Variants in NHSL1 observed in about 807,000 individuals in gnomAD.
NHSL1 encodes NHS-like protein 1.
NHSL1 carries 48 observed loss-of-function variants against 95.0 expected under a neutral mutation model. The observed-to-expected ratio is 0.51, with a 90% confidence interval of 0.40 to 0.64. NHSL1 has a LOEUF of 0.64. Among genes scored for constraint, NHSL1 ranks in the 30% least tolerant of loss-of-function variants. The pLI, the probability that NHSL1 is intolerant of heterozygous loss-of-function variation, is 0.00. For missense variants in NHSL1, 1,971 were observed against 2,077.7 expected, an observed-to-expected ratio of 0.95 and a Z score of 1.00; for synonymous variants, 783 against 833.9, an observed-to-expected ratio of 0.94 and a Z score of 1.05.
chr6:138,678,248 A>G (rs1339730450), intron 1 of NHSL1, among the ~76,000 whole-genome samples: 4 of 152,210 alleles, frequency 2.6e-5, no homozygotes, highest in South Asian at 2.1e-4. Context: ...ATTTGTTCCT[A>G]TATCACTTAT....
In NHSL1 at chr6:138,430,828, C is replaced by T. The variant is rs1048362675; in HGVS notation, c.3517G>A (p.Glu1173Lys). The change falls in exon 6 of 8, where the codon GAG becomes AAG. Residue 1173 changes from glutamate to lysine, a missense_variant. Physicochemically the swap from Glu to Lys is moderately conservative, Grantham distance 56. Transcript: ENST00000343505. The surrounding 1 kb of genome is among the most constrained non-coding windows in gnomAD (Gnocchi z 4.7). ...GTGGTGCTGGGGCTGGGCCGAGCCTCTGCCTCCCCAGCGCTTGGAGCTCCA... is the reference window on the plus strand; with the variant it reads ...GTGGTGCTGGGGCTGGGCCGAGCCTTTGCCTCCCCAGCGCTTGGAGCTCCA... ...SPGAPSAGEA[E>K]ARPSPSTTPL... 23 of 1,550,850 alleles carry T rather than the reference C, an allele frequency of 1.5e-5. No individual in the cohort carries two copies. The African/African-American group carries it at 1.6e-4, about 11-fold the overall frequency.
At chr6:138,582,384 G>A (rs1280124505) in intron 1 of NHSL1, among the ~76,000 whole-genome samples, 1 of 148,294 alleles carries the variant, frequency 6.7e-6, no homozygotes, top group African/African-American at 2.6e-5. Flanking sequence ...AAAAAAAAGA[G>A]ATGGGACCAA....
intron 1 of NHSL1, among the ~76,000 whole-genome samples, chr6:138,608,246 A>G (rs1166537770): frequency 6.6e-6 from 1 of 152,242 alleles, no homozygotes; most frequent in Non-Finnish European, 1.5e-5. Context: ...ACTTTGAATG[A>G]CATGTTTCTC....
chr6:138,459,354 T>G (rs907372401), intron 3 of NHSL1, among the ~76,000 whole-genome samples: 2 of 152,230 alleles, frequency 1.3e-5, no homozygotes, highest in Non-Finnish European at 2.9e-5. Context: ...ATCTGTACTT[T>G]GCAATAGCTA....
chr6:138,615,609 T>C (rs1263258951), intron 1 of NHSL1, among the ~76,000 whole-genome samples: 1 of 152,262 alleles, frequency 6.6e-6, no homozygotes, highest in Non-Finnish European at 1.5e-5. Flanking sequence ...TAGCTAGGAC[T>C]ACAGGCGCAT....
rs932096305 is a variant in NHSL1, at chr6:138,692,128, T to C, written c.96+348A>G. ...CCAACAGGCTACCTGCCTGTGACAG[T>C]TTTCCCACGAACTTGGCTCTCCTCT... On this transcript the variant is annotated intron_variant, in intron 1 of 3. Transcript: ENST00000491526. The surrounding 1 kb of genome is among the most constrained non-coding windows in gnomAD (Gnocchi z 4.0). The C allele has an allele frequency of 1.1e-5, 5 of 446,864 alleles. No homozygotes were observed. Among genetic ancestry groups the C allele is most frequent in the Admixed American group, 7.1e-5 (3 of 42,216 alleles). The allele number at this position is 446,864 out of a possible 1,614,324, so 27.7% of individuals were successfully genotyped here. A position where few individuals can be genotyped will look rare whatever the true frequency, so the allele number is the denominator to read the frequency against.
At chr6:138,562,912 C>G (rs1223243044) in intron 1 of NHSL1, among the ~76,000 whole-genome samples, 1 of 152,150 alleles carries the variant, frequency 6.6e-6, no homozygotes, top group East Asian at 1.9e-4. Context: ...GTGCAAAGCA[C>G]TTGAAAAAGG....
In NHSL1 at chr6:138,499,326, T is replaced by C; in HGVS notation, c.-36A>G. ...CCTACATAGAGCTTAGAAATGTAAA[T>C]CACATTAAAAGCTCAGCCCAGTAGG... On this transcript the variant is annotated 5_prime_UTR_variant, in exon 1 of 8. The change abolishes the stop of an existing upstream ORF in the 5' untranslated region. Coordinates refer to ENST00000343505, the MANE Select transcript of NHSL1 (RefSeq NM_001144060.2). 6.5e-7 allele frequency: 1 copy of C among 1,548,866 alleles called. No individual in the cohort carries two copies. The highest frequency in any genetic ancestry group is 8.7e-7 in the Non-Finnish European group (1 of 1,145,408).
intron 4 of NHSL1, among the ~76,000 whole-genome samples, chr6:138,446,149 T>TG (rs1583184700): frequency 6.6e-6 from 1 of 152,002 alleles, no homozygotes; most frequent in East Asian, 1.9e-4. Context: ...GCAATTCTCC[T>TG]GCCTCAGACT....
chr6:138,440,514 T>C (rs549132146), intron 5 of NHSL1, among the ~76,000 whole-genome samples: 1 of 152,052 alleles, frequency 6.6e-6, no homozygotes, highest in South Asian at 2.1e-4. Context: ...CAATCCATGA[T>C]AGAACAGGGC....
chr6:138,476,584 T>C (rs772643707), intron 2 of NHSL1, among the ~76,000 whole-genome samples: 2 of 151,992 alleles, frequency 1.3e-5, no homozygotes, highest in African/African-American at 2.4e-5. Context: ...CCAAGCACTA[T>C]GGGAGGCCGA....
At chr6:138,683,981 C>T (rs1235775461) in intron 1 of NHSL1, among the ~76,000 whole-genome samples, 2 of 152,118 alleles carry the variant, frequency 1.3e-5, no homozygotes, top group African/African-American at 2.4e-5. Flanking sequence ...GAGGCCAAGG[C>T]GAGCAGATCA....
chr6:138,661,495 CAAA>C (rs111293449), intron 1 of NHSL1, among the ~76,000 whole-genome samples: 5 of 118,076 alleles, frequency 4.2e-5, no homozygotes, highest in African/African-American at 1.2e-4. Context: ...CCCCCCGTCT[CAAA>C]AAAAAAAAAA....
At chr6:138,473,278 G>T in intron 3 of NHSL1, 28 bp downstream of exon 3, 1 of 1,509,164 alleles carries the variant, frequency 6.6e-7, no homozygotes, top group Admixed American at 2.3e-5. Context: ...ACCCAACCCA[G>T]GACCCCGTGT....
chr6:138,506,036 C>T (rs892880988), intron 1 of NHSL1, among the ~76,000 whole-genome samples: 1 of 152,162 alleles, frequency 6.6e-6, no homozygotes, highest in African/African-American at 2.4e-5. Context: ...TTATGCTTTT[C>T]AGACTCATTG....
upstream of NHSL1, among the ~76,000 whole-genome samples, chr6:138,573,477 T>A (rs1012015778): frequency 1.3e-5 from 2 of 152,204 alleles, no homozygotes; most frequent in African/African-American, 4.8e-5. Flanking sequence ...TGATTAAAAA[T>A]TTTAAAACCA....
At chr6:138,691,189 CA>C (rs1785662422) in intron 1 of NHSL1, among the ~76,000 whole-genome samples, 1 of 152,290 alleles carries the variant, frequency 6.6e-6, no homozygotes, top group African/African-American at 2.4e-5. Context: ...CTGATTATGT[CA>C]ACAACCTTAT....
intron 3 of NHSL1, among the ~76,000 whole-genome samples, chr6:138,455,494 G>GAGCCCCACCTTCACATGCTCCCTGCAAGA (rs1777533952): frequency 1.3e-4 from 10 of 78,842 alleles, no homozygotes; most frequent in African/African-American, 5.7e-4. Flanking sequence ...TCCCTGCAAG[G>GAGCCCCACCTTCACATGCTCCCTGCAAGA]AGCCCCGCCT....
chr6:138,424,236 C>A lies in NHSL1; in HGVS notation c.4666G>T (p.Ala1556Ser), dbSNP rs1187463045. Residue 1556 changes from alanine (A) to serine (S), a missense_variant, in exon 8 of 8, where the codon GCG (alanine) becomes TCG (serine). Transcript: ENST00000343505. This position sits in a 1 kb window ranked among gnomAD's most constrained non-coding sequence, Gnocchi z 5.9. ...CCGCCCTCGTCCATCTCCTCCCTCG[C>A]CAGTCCGTCCAGGGAACATCCCTCC... ...AAEGCSLDGL[A>S]REEMDEGGLL... 6.6e-6 allele frequency: 10 copies of A among 1,506,208 alleles called. No homozygotes were observed. The East Asian group carries it at 2.0e-4, about 30-fold the overall frequency. 93.3% of individuals were successfully genotyped at this position (1,506,208 alleles called of 1,614,324 possible).
Sources: gnomAD v4.1 joint callset for allele counts (sites outside exome capture counted in the v4.1 genomes callset) on GRCh38, gnomAD v4.1.1 for gene constraint, Gnocchi (gnomAD v3.1) non-coding constraint, MANE v1.5 for transcripts, NCBI Gene and HGNC (gene_info 2026-07-23, HGNC 2026-07-21) for gene names.